The following SBF2 variants were observed in gnomAD, a reference collection of about 807,000 sequenced individuals.
SBF2 encodes SET binding factor 2, also known as myotubularin-related protein 13.
A neutral mutation model predicts 225.2 loss-of-function variants in SBF2; 112 were observed. The ratio of observed to expected loss-of-function variants is 0.50; its 90% CI spans 0.43 to 0.58. SBF2 has a LOEUF of 0.58. SBF2 is among the 20% of genes least tolerant of loss of function. The probability of loss-of-function intolerance (pLI) is 0.00; values close to 1 mark genes in which losing one functional copy is unlikely to be tolerated. For missense variants in SBF2, 1,996 were observed against 2,206.2 expected (o/e 0.90, Z 1.91); for synonymous variants, 763 against 773.3 (o/e 0.99, Z 0.22).
At chr11:10,073,911 T>G (rs537476071) in intron 2 of SBF2, among the ~76,000 whole-genome samples, 2 of 152,156 alleles carry the variant, frequency 1.3e-5, no homozygotes, top group Non-Finnish European at 2.9e-5. Context: ...ATGTTTTAGG[T>G]ATGATAAATG....
At chr11:9,994,279 C>T (rs980221290) in intron 9 of SBF2, among the ~76,000 whole-genome samples, 1 of 151,172 alleles carries the variant, frequency 6.6e-6, no homozygotes, top group African/African-American at 2.4e-5. Flanking sequence ...TCGAGACCAT[C>T]CTGGCTAACA....
chr11:10,296,316 C>G (rs1964548535), upstream of SBF2, among the ~76,000 whole-genome samples: 1 of 152,146 alleles, frequency 6.6e-6, no homozygotes, highest in African/African-American at 2.4e-5. Flanking sequence ...CTAATAAAGA[C>G]ATACCCGAGA....
intron 1 of SBF2, among the ~76,000 whole-genome samples, chr11:10,256,026 C>T (rs560803097): frequency 7.2e-5 from 11 of 152,162 alleles, no homozygotes; most frequent in East Asian, 1.9e-4. Context: ...GTGTATTACA[C>T]GAGATGGGCT....
intron 27 of SBF2, 187 bp from the exon 28 acceptor site, chr11:9,829,683 C>CT: frequency 1.7e-6 from 1 of 574,712 alleles, no homozygotes; most frequent in Admixed American, 2.9e-5. Flanking sequence ...TAATCCTCCA[C>CT]TGTAATGCTG....
chr11:10,164,077 G>A (rs931588515), intron 2 of SBF2, among the ~76,000 whole-genome samples: 2 of 152,138 alleles, frequency 1.3e-5, no homozygotes, highest in Non-Finnish European at 2.9e-5. Flanking sequence ...TGGTGCCTCA[G>A]TGCATTCCAT....
chr11:9,964,979 T>C (rs1866805876), intron 14 of SBF2, among the ~76,000 whole-genome samples: 1 of 152,162 alleles, frequency 6.6e-6, no homozygotes, highest in Non-Finnish European at 1.5e-5. Flanking sequence ...CAAAATGATG[T>C]ATATTGTAGC....
intron 12 of SBF2, among the ~76,000 whole-genome samples, 198 bp from the exon 13 acceptor site, chr11:9,989,793 C>T (rs1215949653): frequency 6.6e-6 from 1 of 152,178 alleles, no homozygotes; most frequent in Non-Finnish European, 1.5e-5. Context: ...TCTAGTGGTT[C>T]CTCCCTGAGG....
chr11:9,988,622 T>C (rs1178684804), intron 13 of SBF2, among the ~76,000 whole-genome samples: 1 of 151,952 alleles, frequency 6.6e-6, no homozygotes, highest in East Asian at 1.9e-4. Context: ...CAAAAGAAGG[T>C]ATACAAATAG....
intron 2 of SBF2, among the ~76,000 whole-genome samples, chr11:10,100,073 A>G (rs2134963021): frequency 1.3e-5 from 2 of 152,348 alleles, no homozygotes; most frequent in South Asian, 4.1e-4. Flanking sequence ...CAATAATAAA[A>G]CAAGACCCAA....
intron 2 of SBF2, among the ~76,000 whole-genome samples, chr11:10,103,125 C>T (rs1048963342): frequency 3.3e-5 from 5 of 151,966 alleles, no homozygotes; most frequent in East Asian, 1.9e-4. Context: ...ACAGAGTAAA[C>T]GTTTTTCTTT....
chr11:10,154,181 A>G (rs926953407), intron 2 of SBF2, among the ~76,000 whole-genome samples: 9 of 152,100 alleles, frequency 5.9e-5, no homozygotes, highest in African/African-American at 7.2e-5. Flanking sequence ...ATAAATTTGA[A>G]TTCCAATAGA....
intron 17 of SBF2, among the ~76,000 whole-genome samples, chr11:9,862,678 CAG>C (rs1157087482): frequency 6.6e-6 from 1 of 152,062 alleles, no homozygotes; most frequent in East Asian, 1.9e-4. Context: ...TTTTAGTAAA[CAG>C]AGAAAATAAG....
chr11:9,831,562 C>T (rs1178242917), intron 27 of SBF2, among the ~76,000 whole-genome samples: 1 of 152,178 alleles, frequency 6.6e-6, no homozygotes. Flanking sequence ...GATCTGATAT[C>T]TTAGTGGCCT....
At chr11:9,860,601 G>C (rs1857658223) in intron 17 of SBF2, among the ~76,000 whole-genome samples, 1 of 152,060 alleles carries the variant, frequency 6.6e-6, no homozygotes, top group Admixed American at 6.6e-5. Flanking sequence ...AAAGTGCTAG[G>C]ATTATAGATG....
At chr11:9,847,119 C>G in intron 22 of SBF2, 36 bp from the exon 23 acceptor site, 1 of 1,613,046 alleles carries the variant, frequency 6.2e-7, no homozygotes, top group Non-Finnish European at 8.5e-7. Context: ...AGCAACAACA[C>G]TTTATAGCTC....
intron 1 of SBF2, among the ~76,000 whole-genome samples, chr11:10,197,785 G>A (rs1957430673): frequency 6.6e-6 from 1 of 152,104 alleles, no homozygotes; most frequent in South Asian, 2.1e-4. Context: ...TAAATCCTTT[G>A]TCATTTCAAT....
intron 14 of SBF2, among the ~76,000 whole-genome samples, chr11:9,967,371 CAAA>C (rs35271700): frequency 1.3e-4 from 14 of 103,766 alleles, no homozygotes; most frequent in African/African-American, 1.6e-4. Flanking sequence ...GACTCCGTCT[CAAA>C]AAAAAAAAAA....
chr11:9,813,759 C>G (rs967562058), intron 29 of SBF2, among the ~76,000 whole-genome samples: 1 of 151,984 alleles, frequency 6.6e-6, no homozygotes, highest in Admixed American at 6.6e-5. Context: ...CTGGCCAACA[C>G]GGTGAAATCC....
At chr11:10,207,997 T>C (rs1442098974) in intron 1 of SBF2, among the ~76,000 whole-genome samples, 1 of 152,104 alleles carries the variant, frequency 6.6e-6, no homozygotes, top group Non-Finnish European at 1.5e-5. Flanking sequence ...TATAAATACC[T>C]TCCCATGGTT....
Sources: allele counts gnomAD v4.1 joint callset (sites outside exome capture counted in the v4.1 genomes callset), GRCh38; gene constraint gnomAD v4.1.1; transcripts MANE v1.5; gene names NCBI Gene and HGNC (gene_info 2026-07-23, HGNC 2026-07-21).